Variants in PALM2AKAP2 observed in about 807,000 individuals in gnomAD.
PALM2AKAP2 encodes PALM2-AKAP2 fusion protein.
A neutral mutation model predicts 71.5 loss-of-function variants in PALM2AKAP2; 37 were observed. The ratio of observed to expected loss-of-function variants is 0.52; its 90% CI spans 0.40 to 0.68. The LOEUF (loss-of-function observed/expected upper bound fraction) is 0.68. PALM2AKAP2 is among the 30% of genes least tolerant of loss of function. PALM2AKAP2 has a pLI of 0.00. For missense variants in PALM2AKAP2, 1,224 were observed against 1,191.8 expected (o/e 1.03, Z -0.40); for synonymous variants, 468 against 478.8 (o/e 0.98, Z 0.29).
intron 6 of PALM2AKAP2, among the ~76,000 whole-genome samples, chr9:110,014,805 T>A (rs10816918): frequency 0.26 from 1,610 of 6,218 alleles, 236 homozygotes; most frequent in Non-Finnish European, 0.35. Context: ...AAAAAAAAAA[T>A]GTATATATAT....
chr9:109,712,276 T>C (rs1242751106), intron 1 of PALM2AKAP2, among the ~76,000 whole-genome samples: 2 of 152,226 alleles, frequency 1.3e-5, no homozygotes, highest in African/African-American at 4.8e-5. Flanking sequence ...TGTATTATCC[T>C]AGAGTCAGTG....
intron 1 of PALM2AKAP2, among the ~76,000 whole-genome samples, chr9:109,809,143 G>C (rs140262984): frequency 0.015 from 2,236 of 152,318 alleles, 57 homozygotes; most frequent in African/African-American, 0.051. Context: ...CTAGGGCACT[G>C]CCTAGTGGAG....
At chr9:109,650,531 C>T (rs191170726) in intron 1 of PALM2AKAP2, among the ~76,000 whole-genome samples, 10 of 152,214 alleles carry the variant, frequency 6.6e-5, no homozygotes, top group East Asian at 5.8e-4. Context: ...ATCTTCTTGC[C>T]GCAGGGCCCA....
chr9:110,008,974 G>C (rs912662034), intron 6 of PALM2AKAP2, among the ~76,000 whole-genome samples: 1 of 152,168 alleles, frequency 6.6e-6, no homozygotes, highest in African/African-American at 2.4e-5. Flanking sequence ...AGGCCAGGAA[G>C]TGAAATCCTG....
intron 3 of PALM2AKAP2, among the ~76,000 whole-genome samples, chr9:110,162,757 C>T (rs540675870): frequency 6.6e-6 from 1 of 152,288 alleles, no homozygotes; most frequent in East Asian, 1.9e-4. Flanking sequence ...GGGTGGAGTA[C>T]AGTGGTGCAA....
At chr9:109,811,529 A>T (rs1827725982) in intron 1 of PALM2AKAP2, among the ~76,000 whole-genome samples, 1 of 152,168 alleles carries the variant, frequency 6.6e-6, no homozygotes, top group Non-Finnish European at 1.5e-5. Flanking sequence ...TATCCTATAT[A>T]ATAGTAATAA....
upstream of PALM2AKAP2, among the ~76,000 whole-genome samples, chr9:110,043,749 TCTCA>T (rs1038171630): frequency 1.5e-5 from 2 of 135,180 alleles, no homozygotes; most frequent in Non-Finnish European, 3.1e-5. Flanking sequence ...GGAGACAGTC[TCTCA>T]CTCTGTCACC....
At chr9:109,994,531 C>A (rs577913599) in intron 6 of PALM2AKAP2, among the ~76,000 whole-genome samples, 1 of 152,138 alleles carries the variant, frequency 6.6e-6, no homozygotes, top group African/African-American at 2.4e-5. Flanking sequence ...GCACATTTAG[C>A]CCCACAGCAG....
At chr9:109,743,606 A>T (rs1306497794) in intron 1 of PALM2AKAP2, among the ~76,000 whole-genome samples, 1 of 152,224 alleles carries the variant, frequency 6.6e-6, no homozygotes, top group Non-Finnish European at 1.5e-5. Flanking sequence ...CAGTGAAAAA[A>T]TTGTTGAAGA....
At chr9:109,906,070 C>T (rs1037235530) in intron 3 of PALM2AKAP2, among the ~76,000 whole-genome samples, 7 of 152,170 alleles carry the variant, frequency 4.6e-5, no homozygotes, top group Admixed American at 4.6e-4. Context: ...GTGCCTGGGA[C>T]AGCTGGGCCA....
chr9:109,841,300 G>C (rs1448194783), intron 1 of PALM2AKAP2, among the ~76,000 whole-genome samples: 1 of 149,126 alleles, frequency 6.7e-6, no homozygotes, highest in Non-Finnish European at 1.5e-5. Flanking sequence ...CTCACTCATA[G>C]GTGGGAATTG....
chr9:109,717,161 G>C (rs1454602143), intron 1 of PALM2AKAP2, among the ~76,000 whole-genome samples: 3 of 152,128 alleles, frequency 2.0e-5, no homozygotes, highest in Non-Finnish European at 4.4e-5. Flanking sequence ...AAAAGGTCAT[G>C]ATGAAAGAAG....
chr9:109,902,101 C>T (rs945003647), intron 3 of PALM2AKAP2, among the ~76,000 whole-genome samples: 17 of 152,148 alleles, frequency 1.1e-4, no homozygotes, highest in African/African-American at 2.9e-4. Context: ...GAAAAGGGTA[C>T]GTTTTTCAGT....
At chr9:109,795,885 G>A (rs969833027) in intron 1 of PALM2AKAP2, among the ~76,000 whole-genome samples, 4 of 152,202 alleles carry the variant, frequency 2.6e-5, no homozygotes, top group African/African-American at 9.7e-5. Flanking sequence ...ATCACAGAGT[G>A]CCATATGGGC....
At chr9:110,121,247 C>G (rs1304405952) in intron 1 of PALM2AKAP2, among the ~76,000 whole-genome samples, 1 of 152,174 alleles carries the variant, frequency 6.6e-6, no homozygotes, top group East Asian at 1.9e-4. Context: ...TAAGTATTCC[C>G]ATCTGATTCA....
intron 1 of PALM2AKAP2, among the ~76,000 whole-genome samples, chr9:109,814,708 C>A (rs1173423967): frequency 6.6e-6 from 1 of 152,160 alleles, no homozygotes; most frequent in Admixed American, 6.5e-5. Context: ...GATCACAAAC[C>A]AGTAAGTGGC....
chr9:109,897,282 C>T (rs1830223700), intron 3 of PALM2AKAP2, among the ~76,000 whole-genome samples: 1 of 152,104 alleles, frequency 6.6e-6, no homozygotes, highest in Non-Finnish European at 1.5e-5. Flanking sequence ...GTATAAATTG[C>T]TTAAAATAGT....
At chr9:110,127,075 G>C (rs1835623574) in intron 1 of PALM2AKAP2, among the ~76,000 whole-genome samples, 1 of 152,182 alleles carries the variant, frequency 6.6e-6, no homozygotes, top group South Asian at 2.1e-4. Context: ...AGAGAGAATA[G>C]CAGAACAGTG....
intron 1 of PALM2AKAP2, among the ~76,000 whole-genome samples, chr9:109,826,951 T>C (rs1195297564): frequency 6.6e-6 from 1 of 152,112 alleles, no homozygotes; most frequent in Admixed American, 6.5e-5. Context: ...TGAAATGAGA[T>C]AAAAATATAA....
Sources: allele counts gnomAD v4.1 joint callset (sites outside exome capture counted in the v4.1 genomes callset), GRCh38; gene constraint gnomAD v4.1.1; transcripts MANE v1.5; gene names NCBI Gene and HGNC (gene_info 2026-07-23, HGNC 2026-07-21).